LRRC41: variants seen among roughly 807,000 people sequenced by gnomAD.
The protein encoded by LRRC41 is leucine-rich repeat-containing protein 41.
Under a neutral mutation model 72.1 loss-of-function variants are expected in LRRC41, and 17 were observed. The ratio of observed to expected loss-of-function variants is 0.24; its 90% CI spans 0.16 to 0.35. The LOEUF is 0.35. Among genes scored for constraint, LRRC41 ranks in the 10% least tolerant of loss-of-function variants. LRRC41 has a pLI of 1.00. For missense variants in LRRC41, 759 were observed against 1,065.0 expected (o/e 0.71, Z 4.00); for synonymous variants, 427 against 431.0 (o/e 0.99, Z 0.11).
chr1:46,297,659 C>T lies in LRRC41; in HGVS notation c.287-26G>A. ...CTGTAAGGAGAAATATCACACTTGG[C>T]TGCTTACTGGCCACCATGAGTAAAG... On this transcript the variant is annotated intron_variant, in intron 2 of 9. Coordinates refer to ENST00000617190, the MANE Select transcript of LRRC41 (RefSeq NM_006369.5). The T allele has an allele frequency of 1.9e-6, 3 of 1,572,132 alleles. No homozygotes were observed. In the South Asian group the frequency reaches 3.3e-5, roughly 17 times the overall value.
chr1:46,279,526 T>C lies in LRRC41; in HGVS notation c.2109A>G (p.Thr703=), dbSNP rs199700824. The C allele has an allele frequency of 1.2e-6, 2 of 1,614,174 alleles. No individual in the cohort carries two copies. The highest frequency in any genetic ancestry group is 4.5e-5 in the East Asian group (2 of 44,884). ...TCCCTGGCAGCCGGAGGCCCTTCAG[T>C]GTGGAGTTGCCCTTCATAGCAGCAA... is the stretch of plus-strand genomic sequence containing the variant. The part of the protein sequence containing the change: ...EMVAAMKGNS[T]LKGLRLPGNR... The change falls in exon 8 of 10, where the codon ACA becomes ACG. Residue 703 remains threonine (T), a synonymous_variant. Transcript: ENST00000617190. This position sits in a 1 kb window ranked among gnomAD's most constrained non-coding sequence, Gnocchi z 4.5.
Position 46,297,568 on chromosome 1 carries a change from A to G in LRRC41, c.352T>C (p.Leu118=). ...TACCTGATACCTTAACTTACTTCCA[A>G]ACTGGAAGGCCTTGTCTTCATCAGT... ...DELMKTRPSS[L]ESVTCWRAKF... is the part of the protein sequence containing the mutation. Residue 118 remains leucine (L), a synonymous_variant, in exon 3 of 10, where the codon TTG becomes CTG. Transcript: ENST00000617190. 1.2e-6 allele frequency: 2 copies of G among 1,613,884 alleles called. No homozygotes were observed. The highest frequency in any genetic ancestry group is 1.1e-5 in the South Asian group (1 of 91,078).
chr1:46,281,494 TG>T (rs1442462195), intron 4 of LRRC41, 109 bp from the exon 5 acceptor site: 20 of 1,090,736 alleles, frequency 1.8e-5, no homozygotes, highest in Non-Finnish European at 2.5e-5. Context: ...TCTTGGGCTT[TG>T]GCTCAGCTTA....
intron 3 of LRRC41, among the ~76,000 whole-genome samples, chr1:46,290,911 T>C (rs1051666907): frequency 1.5e-5 from 2 of 136,796 alleles, no homozygotes; most frequent in African/African-American, 5.2e-5. Context: ...CCCGGCCTGT[T>C]TCTAGTTTTT....
intron 3 of LRRC41, among the ~76,000 whole-genome samples, chr1:46,289,208 A>G (rs1298544312): frequency 1.3e-5 from 2 of 152,236 alleles, no homozygotes; most frequent in East Asian, 1.9e-4. Context: ...TGACACAGTG[A>G]TCAGGAACAT....
Position 46,303,326 on chromosome 1 carries a change from G to T in LRRC41, c.-4C>A. 1 of 1,512,970 alleles carries T rather than the reference G, an allele frequency of 6.6e-7. No homozygotes were observed. Among genetic ancestry groups the T allele is most frequent in the South Asian group, 1.2e-5 (1 of 80,578 alleles). 93.7% of individuals were successfully genotyped at this position (1,512,970 alleles called of 1,614,324 possible). A position where few individuals can be genotyped will look rare whatever the true frequency, so the allele number is the denominator to read the frequency against. On this transcript the variant is annotated 5_prime_UTR_variant, in exon 1 of 10. Transcript: ENST00000617190. ...GCCAGGCCTCGGGCGCCGCCATCTT[G>T]GGGAGGTGCGCGAGCCCGAGAGTGT... is the stretch of plus-strand genomic sequence containing the variant.
chr1:46,295,548 GAA>G (rs1557718204), intron 3 of LRRC41, among the ~76,000 whole-genome samples: 1 of 152,180 alleles, frequency 6.6e-6, no homozygotes, highest in African/African-American at 2.4e-5. Context: ...GTGGGAAGCG[GAA>G]AGACACCCTC....
intron 1 of LRRC41, chr1:46,299,585 A>T (rs962470439): frequency 6.6e-6 from 1 of 151,130 alleles, no homozygotes; most frequent in African/African-American, 2.4e-5. Context: ...GCCTCAAAAA[A>T]TAAAAAATAG....
Position 46,297,651 on chromosome 1 carries a change from A to G in LRRC41, c.287-18T>C. ...TGAGAGGCCTGTAAGGAGAAATATC[A>G]CACTTGGCTGCTTACTGGCCACCAT... On this transcript the variant is annotated intron_variant, in intron 2 of 9. Transcript: ENST00000617190. The G allele has an allele frequency of 6.3e-7, 1 of 1,598,754 alleles. No individual in the cohort carries two copies. Among genetic ancestry groups the G allele is most frequent in the Non-Finnish European group, 8.6e-7 (1 of 1,166,020 alleles).
chr1:46,292,003 C>T (rs1471462410), intron 3 of LRRC41, among the ~76,000 whole-genome samples: 2 of 152,022 alleles, frequency 1.3e-5, no homozygotes, highest in African/African-American at 2.4e-5. Flanking sequence ...CATGCCAACA[C>T]GCCCAGCTAA....
chr1:46,303,030 T>C, intron 1 of LRRC41, 94 bp downstream of exon 1: 2 of 1,334,768 alleles, frequency 1.5e-6, no homozygotes, highest in Non-Finnish European at 1.9e-6. Context: ...GGCTGGGCCT[T>C]GCCCCGGGCC....
chr1:46,282,634 G>C (rs538223634), intron 4 of LRRC41, among the ~76,000 whole-genome samples: 18 of 152,282 alleles, frequency 1.2e-4, no homozygotes, highest in African/African-American at 4.1e-4. Flanking sequence ...AATTTAGGAA[G>C]AATGATTGTG....
intron 1 of LRRC41, chr1:46,301,858 T>G: frequency 1.6e-6 from 1 of 636,786 alleles, no homozygotes; most frequent in Non-Finnish European, 1.9e-6. Flanking sequence ...CGGCCGGGCC[T>G]GCCACCTCTT....
rs1390734523 is a variant in LRRC41, at chr1:46,285,486, T to C, written c.1371A>G (p.Gln457=). Residue 457 remains glutamine (Q), a synonymous_variant, in exon 4 of 10, where the codon CAA becomes CAG. Coordinates refer to ENST00000617190, the MANE Select transcript of LRRC41 (RefSeq NM_006369.5). The surrounding 1 kb of genome is among the most constrained non-coding windows in gnomAD (Gnocchi z 5.3). ...CCAAGGTGGAGATGCTGCGGAATCTTTGTGAAGCTTCCAGTGCTGGAAGCC... is the reference window on the plus strand; with the variant it reads ...CCAAGGTGGAGATGCTGCGGAATCTCTGTGAAGCTTCCAGTGCTGGAAGCC... ...CLGLPALEAS[Q]RFRSISTLEL... is the part of the protein sequence containing the mutation. 4.3e-6 allele frequency: 7 copies of C among 1,614,156 alleles called. No homozygotes were observed. Among genetic ancestry groups the C allele is most frequent in the Middle Eastern group, 1.6e-4 (1 of 6,062 alleles).
intron 3 of LRRC41, chr1:46,297,291 A>C (rs1661144262): frequency 5.4e-6 from 2 of 373,136 alleles, no homozygotes; most frequent in Non-Finnish European, 9.9e-6. Flanking sequence ...CCACTGCACC[A>C]ACACCATCAA....
intron 3 of LRRC41, among the ~76,000 whole-genome samples, chr1:46,295,566 T>C (rs1273388835): frequency 2.6e-5 from 4 of 152,202 alleles, no homozygotes; most frequent in Non-Finnish European, 5.9e-5. Flanking sequence ...CCCTCTGGAA[T>C]GGACATGCTC....
Position 46,303,338 on chromosome 1 carries a change from G to A in LRRC41, c.-16C>T. On this transcript the variant is annotated 5_prime_UTR_variant, in exon 1 of 10. Coordinates refer to ENST00000617190, the MANE Select transcript of LRRC41 (RefSeq NM_006369.5). ...GCGCCGCCATCTTGGGGAGGTGCGC[G>A]AGCCCGAGAGTGTCGCCCGCGGACC... The A allele has an allele frequency of 6.7e-7, 1 of 1,496,054 alleles. No individual in the cohort carries two copies. Among genetic ancestry groups the A allele is most frequent in the Admixed American group, 2.5e-5 (1 of 40,734 alleles). The allele number at this position is 1,496,054 out of a possible 1,614,324, so 92.7% of individuals were successfully genotyped here. A position where few individuals can be genotyped will look rare whatever the true frequency, so the allele number is the denominator to read the frequency against.
In LRRC41 at chr1:46,278,342, C is replaced by A; in HGVS notation, c.*523G>T. 2 of 1,502,756 alleles carry A rather than the reference C, an allele frequency of 1.3e-6. No homozygotes were observed. Among genetic ancestry groups the A allele is most frequent in the Non-Finnish European group, 1.8e-6 (2 of 1,101,526 alleles). 93.1% of individuals were successfully genotyped at this position (1,502,756 alleles called of 1,614,324 possible). A position where few individuals can be genotyped will look rare whatever the true frequency, so the allele number is the denominator to read the frequency against. The stretch of plus-strand genomic sequence containing the variant: ...GGAGATAGGGAAAAGGGGCTCCTTG[C>A]TCCACAGGGCCCTGTTGAATTTTGT... On this transcript the variant is annotated 3_prime_UTR_variant, in exon 10 of 10. Coordinates refer to ENST00000617190, the MANE Select transcript of LRRC41 (RefSeq NM_006369.5).
rs1441015505 is a variant in LRRC41, at chr1:46,278,577, A to G, written c.*288T>C. The G allele has an allele frequency of 1.2e-5, 7 of 607,502 alleles. No individual in the cohort carries two copies. The African/African-American group carries it at 1.3e-4, about 11-fold the overall frequency. 37.6% of individuals were successfully genotyped at this position (607,502 alleles called of 1,614,324 possible). A position where few individuals can be genotyped will look rare whatever the true frequency, so the allele number is the denominator to read the frequency against. On this transcript the variant is annotated 3_prime_UTR_variant, in exon 10 of 10. Transcript: ENST00000617190. ...GGAGGGAAGGCAGGAACCCAGGGGCAGGGGAGGGGATCTCTTCAGCAATTA... is the reference window on the plus strand; with the variant it reads ...GGAGGGAAGGCAGGAACCCAGGGGCGGGGGAGGGGATCTCTTCAGCAATTA...
Sources: allele counts gnomAD v4.1 joint callset (sites outside exome capture counted in the v4.1 genomes callset), GRCh38; gene constraint gnomAD v4.1.1; non-coding constraint Gnocchi (gnomAD v3.1); transcripts MANE v1.5; gene names NCBI Gene and HGNC (gene_info 2026-07-23, HGNC 2026-07-21).